The following ABRACL variants were observed in gnomAD, a reference collection of about 807,000 sequenced individuals.
ABRACL encodes costars family protein ABRACL.
In ABRACL, 4 loss-of-function variants were observed where a neutral mutation model predicts 7.0. The ratio of observed to expected loss-of-function variants is 0.57; its 90% CI spans 0.28 to 1.30. The LOEUF (loss-of-function observed/expected upper bound fraction) is 1.30. Among genes scored for constraint, ABRACL ranks in the 50% most tolerant of loss-of-function variants. ABRACL has a pLI of 0.10. For synonymous variants in ABRACL, 30 were observed against 36.0 expected, an observed-to-expected ratio of 0.83 and a Z score of 0.60; for missense variants, 104 against 97.3, an observed-to-expected ratio of 1.07 and a Z score of -0.29.
chr6:139,029,636 G>T (rs1165316621), intron 1 of ABRACL, among the ~76,000 whole-genome samples: 1 of 152,136 alleles, frequency 6.6e-6, no homozygotes, highest in East Asian at 1.9e-4. Flanking sequence ...CGGGGTTAGG[G>T]GACCTCTACC....
chr6:139,029,563 C>T (rs571782559), intron 1 of ABRACL, among the ~76,000 whole-genome samples: 1 of 152,244 alleles, frequency 6.6e-6, no homozygotes, highest in Admixed American at 6.5e-5. Flanking sequence ...GGGGGCCCAG[C>T]CCCGCGCTCC....
At chr6:139,034,436 A>C (rs1786125348) in intron 2 of ABRACL, 32 of 1,488,390 alleles carry the variant, frequency 2.1e-5, no homozygotes, top group Non-Finnish European at 2.9e-5. Context: ...TGCAGGGAAT[A>C]GTTGAGATAT....
chr6:139,042,951 C>G lies in ABRACL; in HGVS notation c.*48C>G, dbSNP rs1786275257. On this transcript the variant is annotated 3_prime_UTR_variant, in exon 3 of 3. Coordinates refer to ENST00000367660, the MANE Select transcript of ABRACL (RefSeq NM_021243.3). ...ACTGCCATTTTTTGTTTCTGGTAAA[C>G]TGGAATATAAAGTGAAAGAACAAAC... 9 of 1,459,902 alleles carry G rather than the reference C, an allele frequency of 6.2e-6. No homozygotes were observed. Among genetic ancestry groups the G allele is most frequent in the Non-Finnish European group, 8.3e-6 (9 of 1,079,954 alleles). The allele number at this position is 1,459,902 out of a possible 1,614,324, so 90.4% of individuals were successfully genotyped here. A position where few individuals can be genotyped will look rare whatever the true frequency, so the allele number is the denominator to read the frequency against.
intron 1 of ABRACL, among the ~76,000 whole-genome samples, chr6:139,032,593 A>G (rs1040826617): frequency 5.9e-5 from 9 of 152,230 alleles, no homozygotes; most frequent in African/African-American, 1.7e-4. Flanking sequence ...GTATATAGTC[A>G]TAGGTGTCAC....
chr6:139,035,592 C>G (rs1786141618), intron 2 of ABRACL, among the ~76,000 whole-genome samples: 1 of 152,002 alleles, frequency 6.6e-6, no homozygotes, highest in Non-Finnish European at 1.5e-5. Context: ...AAGCGATTCT[C>G]CTGCCTCAGC....
intron 1 of ABRACL, among the ~76,000 whole-genome samples, chr6:139,033,950 A>G (rs1425048872): frequency 9.4e-6 from 1 of 105,954 alleles, no homozygotes; most frequent in Non-Finnish European, 2.2e-5. Flanking sequence ...ATAGGAGTGC[A>G]GGGAGCTGAG....
intron 1 of ABRACL, among the ~76,000 whole-genome samples, chr6:139,029,306 G>A (rs1786042108): frequency 1.3e-5 from 2 of 152,154 alleles, no homozygotes; most frequent in African/African-American, 4.8e-5. Flanking sequence ...ACTCTGCAGC[G>A]CCGGAGGTGG....
At chr6:139,041,493 A>G (rs9495321) in intron 2 of ABRACL, among the ~76,000 whole-genome samples, 55,068 of 122,120 alleles carry the variant, frequency 0.45, 12,580 homozygotes, top group African/African-American at 0.53. Context: ...ATATATATAT[A>G]TGTGTGTGTG....
intron 1 of ABRACL, among the ~76,000 whole-genome samples, chr6:139,029,086 G>T (rs1582897317): frequency 6.6e-6 from 1 of 152,266 alleles, no homozygotes; most frequent in South Asian, 2.1e-4. Context: ...CCACCTCTCG[G>T]GTCGACTTCC....
intron 2 of ABRACL, among the ~76,000 whole-genome samples, chr6:139,040,897 G>A (rs926130810): frequency 3.3e-5 from 5 of 152,178 alleles, no homozygotes; most frequent in African/African-American, 1.2e-4. Flanking sequence ...AGAGCCCCTG[G>A]TTGCTGATAC....
Position 139,042,987 on chromosome 6 carries a change from A to G in ABRACL, c.*84A>G. 1 of 1,159,878 alleles carries G rather than the reference A, an allele frequency of 8.6e-7. No homozygotes were observed. The highest frequency in any genetic ancestry group is 1.2e-6 in the Non-Finnish European group (1 of 845,732). The allele number at this position is 1,159,878 out of a possible 1,614,324, so 71.8% of individuals were successfully genotyped here. ...AGTGAAAGAACAAACATTTGAACAT[A>G]CTTAATGTATTTTTATAGAACTTTG... On this transcript the variant is annotated 3_prime_UTR_variant, in exon 3 of 3. Coordinates refer to ENST00000367660, the MANE Select transcript of ABRACL (RefSeq NM_021243.3).
intron 1 of ABRACL, among the ~76,000 whole-genome samples, chr6:139,033,036 C>T (rs1394373713): frequency 6.6e-6 from 1 of 152,228 alleles, no homozygotes; most frequent in Non-Finnish European, 1.5e-5. Context: ...GGAGGTGCTC[C>T]TCCTCCACGG....
At chr6:139,041,917 C>T (rs947927421) in intron 2 of ABRACL, among the ~76,000 whole-genome samples, 4 of 152,200 alleles carry the variant, frequency 2.6e-5, no homozygotes, top group Admixed American at 6.5e-5. Flanking sequence ...CATGGGAACT[C>T]AAGAACCTTT....
At chr6:139,036,863 G>A (rs1786165769) in intron 2 of ABRACL, among the ~76,000 whole-genome samples, 1 of 152,004 alleles carries the variant, frequency 6.6e-6, no homozygotes, top group Non-Finnish European at 1.5e-5. Flanking sequence ...ATGCAACTGT[G>A]GTCCCAGCTA....
intron 1 of ABRACL, among the ~76,000 whole-genome samples, chr6:139,029,456 G>T (rs1018366786): frequency 6.6e-6 from 1 of 151,978 alleles, no homozygotes; most frequent in Non-Finnish European, 1.5e-5. Flanking sequence ...CCCGGGCCAC[G>T]GGGGAGGCAG....
At chr6:139,041,351 A>C (rs1786240464) in intron 2 of ABRACL, among the ~76,000 whole-genome samples, 1 of 148,948 alleles carries the variant, frequency 6.7e-6, no homozygotes, top group African/African-American at 2.5e-5. Context: ...TGCAGCCTCA[A>C]ACTCCTGGGC....
chr6:139,039,516 G>A (rs1340400015), intron 2 of ABRACL, among the ~76,000 whole-genome samples: 1 of 152,210 alleles, frequency 6.6e-6, no homozygotes, highest in Non-Finnish European at 1.5e-5. Flanking sequence ...ACTCAACTGA[G>A]TGGATCATGA....
rs764431624 is a variant in ABRACL, at chr6:139,042,807, T to C, written c.150T>C (p.Leu50=). Residue 50 remains leucine (L), a synonymous_variant, in exon 3 of 3, where the codon CTT becomes CTC. Transcript: ENST00000367660. ...TCTTTGAAGCATTGGTAGGAACTCT[T>C]AAAGCTGCAAAACGAAGGAAGATTG... ...ANLFEALVGT[L]KAAKRRKIVT... is the part of the protein sequence containing the mutation. 3.5e-5 allele frequency: 57 copies of C among 1,613,990 alleles called. No individual in the cohort carries two copies. The highest frequency in any genetic ancestry group is 4.7e-5 in the Non-Finnish European group (55 of 1,180,000).
chr6:139,041,453 A>C (rs201030829), intron 2 of ABRACL, among the ~76,000 whole-genome samples: 3,786 of 54,896 alleles, frequency 0.069, 107 homozygotes, highest in African/African-American at 0.13. Context: ...CTCTCTCTCT[A>C]TATATATATA....
Sources: gnomAD v4.1 joint callset for allele counts (sites outside exome capture counted in the v4.1 genomes callset) on GRCh38, gnomAD v4.1.1 for gene constraint, MANE v1.5 for transcripts, NCBI Gene and HGNC (gene_info 2026-07-23, HGNC 2026-07-21) for gene names.